Variants in KPNA4 observed in about 807,000 individuals in gnomAD.
KPNA4 encodes the protein importin subunit alpha-3.
KPNA4 carries 13 observed loss-of-function variants against 71.3 expected under a neutral mutation model. The ratio of observed to expected loss-of-function variants is 0.18; its 90% confidence interval spans 0.12 to 0.29. The LOEUF is 0.29. Ranked by LOEUF, KPNA4 falls within the 10% of genes least tolerant of loss-of-function variation. The pLI, the probability that KPNA4 is intolerant of heterozygous loss-of-function variation, is 1.00. For missense variants in KPNA4, 334 were observed against 603.2 expected (o/e 0.55, Z 4.67); for synonymous variants, 189 against 195.2 (o/e 0.97, Z 0.26).
chr3:160,506,832 T>A (rs989046582), intron 15 of KPNA4, among the ~76,000 whole-genome samples: 33 of 152,222 alleles, frequency 2.2e-4, no homozygotes, highest in African/African-American at 8.0e-4. Context: ...CAGTTATAGA[T>A]TTTTTTATTG....
In KPNA4 at chr3:160,497,324, A is replaced by G. The variant is rs1720786391; in HGVS notation, c.*4780T>C. ...CAGCTACTCAGGAGGCTGAGGCAGA[A>G]TTGCTTGAACCCTTGAGGCAGAGGT... On this transcript the variant is annotated 3_prime_UTR_variant, in exon 17 of 17. Coordinates refer to ENST00000334256, the MANE Select transcript of KPNA4 (RefSeq NM_002268.5). 1.3e-5 allele frequency: 2 copies of G among 152,226 alleles called. No homozygotes were observed. Among genetic ancestry groups the G allele is most frequent in the South Asian group, 4.1e-4 (2 of 4,826 alleles). The allele number at this position is 152,226 out of a possible 1,614,324, so 9.4% of individuals were successfully genotyped here. A position where few individuals can be genotyped will look rare whatever the true frequency, so the allele number is the denominator to read the frequency against.
chr3:160,529,507 T>C (rs1482553927), intron 7 of KPNA4, among the ~76,000 whole-genome samples: 1 of 152,270 alleles, frequency 6.6e-6, no homozygotes, highest in Admixed American at 6.5e-5. Flanking sequence ...ACAACATAAG[T>C]GTCTACAGTA....
chr3:160,537,685 G>A (rs112962551), intron 1 of KPNA4, among the ~76,000 whole-genome samples: 201 of 149,674 alleles, frequency 1.3e-3, no homozygotes, highest in Middle Eastern at 6.8e-3. Flanking sequence ...CTGAACTTTT[G>A]ATCTTTAATA....
intron 12 of KPNA4, chr3:160,514,828 C>G: frequency 2.4e-6 from 1 of 416,028 alleles, no homozygotes; most frequent in Non-Finnish European, 4.7e-6. Flanking sequence ...TAATGGTGGC[C>G]TTACGCGTTA....
intron 11 of KPNA4, 88 bp from the exon 12 acceptor site, chr3:160,515,668 G>A: frequency 7.0e-7 from 1 of 1,428,450 alleles, no homozygotes. Context: ...AGGGTAGAGT[G>A]CAGTGGTGCG....
chr3:160,522,943 C>G (rs1721385348), intron 10 of KPNA4, among the ~76,000 whole-genome samples: 1 of 148,428 alleles, frequency 6.7e-6, no homozygotes, highest in Non-Finnish European at 1.5e-5. Context: ...TTTTTTTTAA[C>G]GATTACATCT....
intron 15 of KPNA4, among the ~76,000 whole-genome samples, chr3:160,506,591 T>G (rs1183187319): frequency 6.6e-6 from 1 of 152,152 alleles, no homozygotes; most frequent in African/African-American, 2.4e-5. Flanking sequence ...GGCCTGCCAC[T>G]CCTATGGCAC....
rs968349249 is a variant in KPNA4, at chr3:160,498,446, T to C, written c.*3658A>G. The C allele has an allele frequency of 9.2e-5, 14 of 152,022 alleles. No homozygotes were observed. Among genetic ancestry groups the C allele is most frequent in the African/African-American group, 3.4e-4 (14 of 41,420 alleles). The allele number at this position is 152,022 out of a possible 1,614,324, so 9.4% of individuals were successfully genotyped here. ...CTCCCTTGACTGTGAACAGGATCTT[T>C]GAATATGATGCGTATCACCCCTGTG... On this transcript the variant is annotated 3_prime_UTR_variant, in exon 17 of 17. Transcript: ENST00000334256.
rs192979905 is a variant in KPNA4, at chr3:160,538,994, A to G, written c.70-2154T>C. On this transcript the variant is annotated intron_variant, in intron 1 of 16. Coordinates refer to ENST00000334256, the MANE Select transcript of KPNA4 (RefSeq NM_002268.5). The stretch of plus-strand genomic sequence containing the variant: ...AAGGATTAAATCAGCTAAAATATGT[A>G]AAGTACTTAAACTGTCCCTGGTACA... 6.6e-5 allele frequency among the ~76,000 whole-genome samples: 10 copies of G among 152,312 alleles called. No homozygotes were observed. In the East Asian group the frequency reaches 9.7e-4, roughly 15 times the overall value.
chr3:160,543,054 G>A (rs1014296537), intron 1 of KPNA4, among the ~76,000 whole-genome samples: 1 of 151,030 alleles, frequency 6.6e-6, no homozygotes, highest in Non-Finnish European at 1.5e-5. Flanking sequence ...ATGTCTATTT[G>A]GAAAAGTCAC....
chr3:160,551,256 G>T (rs1210617213), intron 1 of KPNA4, among the ~76,000 whole-genome samples: 2 of 152,080 alleles, frequency 1.3e-5, no homozygotes, highest in African/African-American at 4.8e-5. Context: ...CCAAGTTGTT[G>T]GCATACAAGC....
intron 1 of KPNA4, among the ~76,000 whole-genome samples, chr3:160,539,342 G>A (rs1721752166): frequency 6.6e-6 from 1 of 152,128 alleles, no homozygotes; most frequent in South Asian, 2.1e-4. Context: ...TAAATACTAC[G>A]GTAAGTGTTA....
intron 10 of KPNA4, among the ~76,000 whole-genome samples, chr3:160,523,728 G>C (rs921241246): frequency 6.6e-6 from 1 of 152,074 alleles, no homozygotes; most frequent in Admixed American, 6.6e-5. Flanking sequence ...GCGGGCATCT[G>C]TAAACCCAGC....
At chr3:160,546,805 A>T in intron 1 of KPNA4, among the ~76,000 whole-genome samples, 1 of 152,166 alleles carries the variant, frequency 6.6e-6, no homozygotes, top group East Asian at 1.9e-4. Context: ...CTCAAGACTT[A>T]GAGCTTCTAA....
chr3:160,550,404 C>A (rs1722017293), intron 1 of KPNA4, among the ~76,000 whole-genome samples: 1 of 152,184 alleles, frequency 6.6e-6, no homozygotes, highest in Non-Finnish European at 1.5e-5. Context: ...ACTCCATGTG[C>A]ATGCCTGCAT....
intron 1 of KPNA4, among the ~76,000 whole-genome samples, chr3:160,547,617 T>C (rs945155508): frequency 6.6e-6 from 1 of 152,116 alleles, no homozygotes; most frequent in Admixed American, 6.6e-5. Context: ...ATTCTTGGTG[T>C]CGCATACTCT....
At position 160,565,088 on chromosome 3, in the gene KPNA4, G is replaced by A. The variant is rs1029583832; in HGVS notation, c.69+126C>T. 1.7e-5 allele frequency: 13 copies of A among 745,214 alleles called. No homozygotes were observed. The African/African-American group carries it at 2.2e-4, about 12-fold the overall frequency. 46.2% of individuals were successfully genotyped at this position (745,214 alleles called of 1,614,324 possible). ...CTAGCAGAGGCGTCACAGACGGGCC[G>A]GCCCCTAGCGCCATTCCCCGAGGCC... On this transcript the variant is annotated intron_variant, in intron 1 of 16. Coordinates refer to ENST00000334256, the MANE Select transcript of KPNA4 (RefSeq NM_002268.5).
chr3:160,516,010 G>A (rs924049365), intron 11 of KPNA4, among the ~76,000 whole-genome samples: 4 of 151,248 alleles, frequency 2.6e-5, no homozygotes, highest in Non-Finnish European at 1.5e-5. Flanking sequence ...TTTTTGAGAC[G>A]GAGTCTCACT....
chr3:160,557,368 CAT>C (rs1373497212), intron 1 of KPNA4, among the ~76,000 whole-genome samples: 1 of 152,070 alleles, frequency 6.6e-6, no homozygotes, highest in East Asian at 1.9e-4. Context: ...CTTTAAAAAA[CAT>C]AAAGAGTAGA....
Sources: allele counts gnomAD v4.1 joint callset (sites outside exome capture counted in the v4.1 genomes callset), GRCh38; gene constraint gnomAD v4.1.1; transcripts MANE v1.5; gene names NCBI Gene and HGNC (gene_info 2026-07-23, HGNC 2026-07-21).